MTUS1: variants seen among roughly 807,000 people sequenced by gnomAD.
MTUS1 encodes the protein microtubule associated scaffold protein 1, also known as microtubule-associated tumor suppressor 1.
Under a neutral mutation model 120.8 loss-of-function variants are expected in MTUS1, and 109 were observed. The observed-to-expected ratio is 0.90, with a 90% CI of 0.77 to 1.06. The LOEUF (loss-of-function observed/expected upper bound fraction) is 1.06, where lower values mean the gene tolerates loss of function less well. Ranked by LOEUF, MTUS1 falls within the 50% of genes least tolerant of loss-of-function variation. The pLI, the probability that MTUS1 is intolerant of heterozygous loss-of-function variation, is 0.00. For missense variants in MTUS1, 2,210 were observed against 1,486.3 expected, an observed-to-expected ratio of 1.49 and a Z score of -8.01; for synonymous variants, 737 against 550.5, an observed-to-expected ratio of 1.34 and a Z score of -4.74.
intron 6 of MTUS1, among the ~76,000 whole-genome samples, chr8:17,688,766 G>C (rs998524289): frequency 2.0e-5 from 3 of 152,116 alleles, no homozygotes; most frequent in Non-Finnish European, 4.4e-5. Context: ...GTGTTCATTA[G>C]CTGTTTACTC....
intron 1 of MTUS1, among the ~76,000 whole-genome samples, chr8:17,790,540 T>G (rs552199624): frequency 6.6e-6 from 1 of 152,130 alleles, no homozygotes; most frequent in South Asian, 2.1e-4. Flanking sequence ...GAATTCATGA[T>G]TGTAATGATC....
intron 7 of MTUS1, among the ~76,000 whole-genome samples, chr8:17,682,155 C>T (rs575735957): frequency 1.4e-4 from 22 of 152,232 alleles, no homozygotes; most frequent in South Asian, 4.1e-4. Flanking sequence ...GGTAAGAGGA[C>T]GCTGTCAGCA....
At chr8:17,652,466 A>G (rs71526146) in intron 12 of MTUS1, among the ~76,000 whole-genome samples, 1 of 152,064 alleles carries the variant, frequency 6.6e-6, no homozygotes, top group East Asian at 1.9e-4. Flanking sequence ...TAGAAAGTAG[A>G]CGGGGGAGAG....
At chr8:17,751,862 T>TA (rs56362055) in intron 2 of MTUS1, among the ~76,000 whole-genome samples, 1,493 of 96,308 alleles carry the variant, frequency 0.016, 14 homozygotes, top group African/African-American at 0.02. Flanking sequence ...GACTCTGCCT[T>TA]AAAAAAAAAA....
chr8:17,755,653 T>C lies in MTUS1; in HGVS notation c.155A>G (p.Asp52Gly). The C allele has an allele frequency of 6.2e-7, 1 of 1,614,236 alleles. No individual in the cohort carries two copies. Among genetic ancestry groups the C allele is most frequent in the East Asian group, 2.2e-5 (1 of 44,890 alleles). The part of the protein sequence containing the change: ...SSVNWNSANP[D>G]DMVVDYETDP... ...AGTTTCATAATCAACCACCATGTCATCTGGGTTGGCAGAATTCCAGTTCAC... is the reference window on the plus strand; with the variant it reads ...AGTTTCATAATCAACCACCATGTCACCTGGGTTGGCAGAATTCCAGTTCAC... The change falls in exon 2 of 15, where the codon GAT (aspartate) becomes GGT (glycine). Residue 52 changes from aspartate (D) to glycine (G), a missense_variant. Physicochemically the swap from Asp to Gly is moderately conservative, Grantham distance 94. Transcript: ENST00000693296.
intron 8 of MTUS1, among the ~76,000 whole-genome samples, chr8:17,670,643 T>C (rs1196275804): frequency 6.6e-6 from 1 of 152,062 alleles, no homozygotes; most frequent in Non-Finnish European, 1.5e-5. Flanking sequence ...ACCAATATGG[T>C]GAATCCCTGT....
At chr8:17,712,994 TAACTATCTATTAGTA>T (rs1403693363) in intron 6 of MTUS1, among the ~76,000 whole-genome samples, 1 of 151,652 alleles carries the variant, frequency 6.6e-6, no homozygotes, top group Non-Finnish European at 1.5e-5. Flanking sequence ...TAAAAGACTA[TAACTATCTATTAGTA>T]ATACAATGTC....
chr8:17,708,728 AC>A (rs1371643061), intron 6 of MTUS1: 2 of 152,160 alleles, frequency 1.3e-5, no homozygotes, highest in Non-Finnish European at 2.9e-5. Flanking sequence ...CTGCATTTTT[AC>A]CCTATAAAGG....
chr8:17,749,988 A>G (rs1291163466), intron 2 of MTUS1, among the ~76,000 whole-genome samples: 1 of 152,204 alleles, frequency 6.6e-6, no homozygotes, highest in African/African-American at 2.4e-5. Flanking sequence ...ATAGAGACTT[A>G]GTAACCTGCC....
intron 6 of MTUS1, 85 bp downstream of exon 6, chr8:17,713,129 C>A: frequency 1.9e-6 from 2 of 1,077,076 alleles, no homozygotes; most frequent in East Asian, 2.4e-5. Context: ...ATAAGCACAC[C>A]AGTAAAAAAT....
At chr8:17,751,798 C>G (rs1376858086) in intron 2 of MTUS1, among the ~76,000 whole-genome samples, 13 of 142,044 alleles carry the variant, frequency 9.2e-5, no homozygotes, top group South Asian at 8.9e-4. Flanking sequence ...GCGGAGGTTG[C>G]AGTGAGCCGA....
At chr8:17,742,344 G>A (rs1439323780) in intron 3 of MTUS1, among the ~76,000 whole-genome samples, 1 of 142,386 alleles carries the variant, frequency 7.0e-6, no homozygotes, top group Non-Finnish European at 1.5e-5. Flanking sequence ...GCCCAGGCTG[G>A]TCCTGAACTC....
intron 1 of MTUS1, among the ~76,000 whole-genome samples, chr8:17,793,462 T>G (rs906268148): frequency 3.9e-5 from 6 of 152,134 alleles, no homozygotes; most frequent in Admixed American, 2.0e-4. Flanking sequence ...TTAAAAGACC[T>G]TCCAGTAGCT....
chr8:17,647,631 AAAG>A (rs765510503), intron 13 of MTUS1, among the ~76,000 whole-genome samples: 33 of 152,188 alleles, frequency 2.2e-4, no homozygotes, highest in Non-Finnish European at 3.2e-4. Context: ...GCATGCCATC[AAAG>A]AAGTAACATG....
chr8:17,757,165 G>A lies in MTUS1; in HGVS notation c.-154-1204C>T, dbSNP rs537349672. ...AACCCACATGCCCATCAACTGAAGA[G>A]CAGAAAGCAAAATGTACTCTTATGC... On this transcript the variant is annotated intron_variant, in intron 1 of 14. Coordinates refer to ENST00000693296, the MANE Select transcript of MTUS1 (RefSeq NM_001363059.2). 5.9e-5 allele frequency among the ~76,000 whole-genome samples: 9 copies of A among 152,238 alleles called. No individual in the cohort carries two copies. The East Asian group carries it at 1.5e-3, about 26-fold the overall frequency.
chr8:17,753,935 A>G lies in MTUS1; in HGVS notation c.1873T>C (p.Cys625Arg). 6.2e-7 allele frequency: 1 copy of G among 1,614,220 alleles called. No individual in the cohort carries two copies. Among genetic ancestry groups the G allele is most frequent in the Non-Finnish European group, 8.5e-7 (1 of 1,180,038 alleles). The change falls in exon 2 of 15, where the codon TGC becomes CGC. Residue 625 changes from cysteine (C) to arginine (R), a missense_variant. Cys to Arg is a radical substitution (Grantham distance 180). Coordinates refer to ENST00000693296, the MANE Select transcript of MTUS1 (RefSeq NM_001363059.2). Reference sequence around the variant, plus strand: ...AACGCAGAAACGGACCCGGTCTCGCATGCTGAGTTAGAAGAACTGGCTTTG... The same window carrying G: ...AACGCAGAAACGGACCCGGTCTCGCGTGCTGAGTTAGAAGAACTGGCTTTG... Reference protein sequence around the residue: ...VDKASSSNSACETGSVSALFQ... With the variant: ...VDKASSSNSARETGSVSALFQ...
chr8:17,653,464 C>T lies in MTUS1; in HGVS notation c.3249G>A (p.Ser1083=), dbSNP rs758883743. The part of the protein sequence containing the change: ...IKKGHEIEKK[S]LEDLLSEKQE... ...GCTTCTCAGAAAGTAAATCTTCAAG[C>T]GATTTCTTTTCTATTTCATGGCCTT... Residue 1083 remains serine, a synonymous_variant, in exon 11 of 15, where the codon TCG becomes TCA. Transcript: ENST00000693296. 3.2e-5 allele frequency: 51 copies of T among 1,612,132 alleles called. No individual in the cohort carries two copies. The highest frequency in any genetic ancestry group is 4.1e-5 in the Non-Finnish European group (48 of 1,179,290).
At position 17,755,200 on chromosome 8, in the gene MTUS1, A is replaced by G. The variant is rs1027374868; in HGVS notation, c.608T>C (p.Leu203Ser). The G allele has an allele frequency of 5.0e-6, 8 of 1,614,102 alleles. No individual in the cohort carries two copies. In the African/African-American group the frequency reaches 1.1e-4, roughly 22 times the overall value. The change falls in exon 2 of 15, where the codon TTA becomes TCA. Residue 203 changes from leucine (L) to serine (S), a missense_variant. By Grantham distance (145) the Leu-to-Ser change is moderately radical. Transcript: ENST00000693296. ...TGRRSGSTSS[L>S]SYSTWTSSHS... ...GGAAGATGTCCAAGTGGAATAGGAT[A>G]AAGAAGATGTACTTCCACTTCTCCT...
At chr8:17,726,284 C>T (rs1295561515) in intron 3 of MTUS1, among the ~76,000 whole-genome samples, 1 of 152,176 alleles carries the variant, frequency 6.6e-6, no homozygotes, top group African/African-American at 2.4e-5. Context: ...ATCAGGACCT[C>T]TCTGTGAGCT....
Sources: gnomAD v4.1 joint callset for allele counts (sites outside exome capture counted in the v4.1 genomes callset) on GRCh38, gnomAD v4.1.1 for gene constraint, MANE v1.5 for transcripts, NCBI Gene and HGNC (gene_info 2026-07-23, HGNC 2026-07-21) for gene names.